TAFA5: variants seen among roughly 807,000 people sequenced by gnomAD.
The protein encoded by TAFA5 is chemokine-like protein TAFA-5.
TAFA5 carries 6 observed loss-of-function variants against 15.3 expected under a neutral mutation model. The observed-to-expected ratio is 0.39, with a 90% CI of 0.21 to 0.77. The LOEUF (loss-of-function observed/expected upper bound fraction) is 0.77, where lower values mean the gene tolerates loss of function less well. Ranked by LOEUF, TAFA5 falls within the 30% of genes least tolerant of loss-of-function variation. TAFA5 has a pLI of 0.41. For synonymous variants in TAFA5, 103 were observed against 80.7 expected (o/e 1.28, Z -1.48); for missense variants, 161 against 193.1 (o/e 0.83, Z 0.98).
intron 1 of TAFA5, among the ~76,000 whole-genome samples, chr22:48,586,690 C>T (rs979673135): frequency 2.6e-5 from 4 of 152,206 alleles, no homozygotes; most frequent in Non-Finnish European, 2.9e-5. Context: ...TCTCTGGATC[C>T]GGAGGTCCTG....
At chr22:48,684,770 A>T (rs1928302144) in intron 2 of TAFA5, among the ~76,000 whole-genome samples, 1 of 152,150 alleles carries the variant, frequency 6.6e-6, no homozygotes, top group Admixed American at 6.5e-5. Context: ...CCTTGGAAAT[A>T]CAAAGGTTTC....
At chr22:48,732,547 G>A (rs931744634) in intron 3 of TAFA5, among the ~76,000 whole-genome samples, 2 of 152,144 alleles carry the variant, frequency 1.3e-5, no homozygotes, top group Non-Finnish European at 1.5e-5. Context: ...GAGCCACCAC[G>A]CCTGGCCAGA....
At chr22:48,643,893 G>A (rs150707227) in intron 1 of TAFA5, among the ~76,000 whole-genome samples, 2 of 152,332 alleles carry the variant, frequency 1.3e-5, no homozygotes, top group East Asian at 3.9e-4. Context: ...TAGTGGAGTG[G>A]CCCAGAGCCA....
intron 2 of TAFA5, among the ~76,000 whole-genome samples, chr22:48,701,898 G>T (rs1928918960): frequency 6.6e-6 from 1 of 152,236 alleles, no homozygotes; most frequent in South Asian, 2.1e-4. Flanking sequence ...CACTGACGAG[G>T]GTCTAGGTGC....
At chr22:48,515,509 T>C (rs1052255756) in intron 1 of TAFA5, among the ~76,000 whole-genome samples, 1 of 152,152 alleles carries the variant, frequency 6.6e-6, no homozygotes, top group Non-Finnish European at 1.5e-5. Flanking sequence ...CCATCCACCC[T>C]GGCCTCCTTT....
chr22:48,615,822 C>T (rs1925582593), intron 1 of TAFA5, among the ~76,000 whole-genome samples: 1 of 152,164 alleles, frequency 6.6e-6, no homozygotes, highest in South Asian at 2.1e-4. Flanking sequence ...CCGCAGAGAA[C>T]CCCCTCCCAG....
intron 2 of TAFA5, among the ~76,000 whole-genome samples, chr22:48,700,952 C>A (rs901877435): frequency 3.3e-5 from 5 of 152,210 alleles, no homozygotes; most frequent in Non-Finnish European, 7.3e-5. Context: ...AGGCTGAGAA[C>A]CCCACTCAGC....
intron 1 of TAFA5, among the ~76,000 whole-genome samples, chr22:48,573,436 G>A (rs1463335798): frequency 6.6e-6 from 1 of 152,224 alleles, no homozygotes; most frequent in Non-Finnish European, 1.5e-5. Context: ...TGAGATGTGT[G>A]TTGGTTTTAT....
chr22:48,626,245 T>A (rs774383642), intron 1 of TAFA5, among the ~76,000 whole-genome samples: 8 of 152,198 alleles, frequency 5.3e-5, no homozygotes, highest in Non-Finnish European at 1.2e-4. Flanking sequence ...GGTAAGAGTA[T>A]GTTCTGCCTT....
chr22:48,523,811 C>T (rs1381486561), intron 1 of TAFA5, among the ~76,000 whole-genome samples: 2 of 152,206 alleles, frequency 1.3e-5, no homozygotes, highest in Non-Finnish European at 2.9e-5. Context: ...GACACAAGGC[C>T]AGTCTGGGTG....
At chr22:48,698,387 ATGATGGTGATGGTGG>A (rs1928794796) in intron 2 of TAFA5, among the ~76,000 whole-genome samples, 1 of 146,272 alleles carries the variant, frequency 6.8e-6, no homozygotes, top group East Asian at 2.2e-4. Flanking sequence ...GAATCAGTTG[ATGATGGTGATGGTGG>A]TGATGGTGAT....
intron 2 of TAFA5, among the ~76,000 whole-genome samples, chr22:48,673,403 C>G (rs1927863231): frequency 6.6e-6 from 1 of 152,222 alleles, no homozygotes; most frequent in Non-Finnish European, 1.5e-5. Flanking sequence ...GGCAGTCCTG[C>G]CTGTCTCGTC....
At chr22:48,723,053 C>CTG (rs1425236563) in intron 3 of TAFA5, among the ~76,000 whole-genome samples, 2 of 152,190 alleles carry the variant, frequency 1.3e-5, no homozygotes, top group African/African-American at 4.8e-5. Flanking sequence ...TGTGCCCAGC[C>CTG]TGTCCCCTGA....
intron 2 of TAFA5, among the ~76,000 whole-genome samples, chr22:48,689,657 G>T (rs55674370): frequency 3.4e-5 from 1 of 29,680 alleles, no homozygotes; most frequent in Non-Finnish European, 9.4e-5. Flanking sequence ...GTAGCCCCTC[G>T]GGCGGACAGA....
At chr22:48,547,822 G>A (rs1191523811) in intron 1 of TAFA5, among the ~76,000 whole-genome samples, 2 of 152,226 alleles carry the variant, frequency 1.3e-5, no homozygotes, top group African/African-American at 4.8e-5. Flanking sequence ...AGGACTCTGA[G>A]TTTGACGACT....
intron 3 of TAFA5, among the ~76,000 whole-genome samples, chr22:48,712,409 A>G (rs1177887856): frequency 1.3e-5 from 2 of 152,228 alleles, no homozygotes; most frequent in African/African-American, 2.4e-5. Flanking sequence ...GGGTTGTGAA[A>G]TTAATTTAAT....
chr22:48,633,380 T>C (rs1926302485), intron 1 of TAFA5, among the ~76,000 whole-genome samples: 1 of 152,260 alleles, frequency 6.6e-6, no homozygotes, highest in African/African-American at 2.4e-5. Context: ...ATGGGTGTGT[T>C]TGTGGAATGT....
chr22:48,619,495 A>G (rs1925729548), intron 1 of TAFA5, among the ~76,000 whole-genome samples: 1 of 152,202 alleles, frequency 6.6e-6, no homozygotes, highest in Admixed American at 6.5e-5. Context: ...AGCTGGGACT[A>G]CAGGTGCCCA....
intron 1 of TAFA5, among the ~76,000 whole-genome samples, chr22:48,537,726 G>T (rs1429668576): frequency 6.6e-6 from 1 of 152,232 alleles, no homozygotes; most frequent in African/African-American, 2.4e-5. Flanking sequence ...GCCCCTTTCT[G>T]CTCCCCTGTC....
Sources: gnomAD v4.1 joint callset for allele counts (sites outside exome capture counted in the v4.1 genomes callset) on GRCh38, gnomAD v4.1.1 for gene constraint, MANE v1.5 for transcripts, NCBI Gene and HGNC (gene_info 2026-07-23, HGNC 2026-07-21) for gene names.